Variants in CTNNA1 observed in about 807,000 individuals in gnomAD.
CTNNA1 encodes the protein catenin alpha 1, also known as catenin alpha-1.
A neutral mutation model predicts 98.4 loss-of-function variants in CTNNA1; 37 were observed. That is an observed-to-expected ratio of 0.38 (90% CI 0.29 to 0.49). The LOEUF (loss-of-function observed/expected upper bound fraction) is 0.49, where lower values mean the gene tolerates loss of function less well. CTNNA1 is among the 20% of genes least tolerant of loss of function. The probability of loss-of-function intolerance (pLI) is 0.95; values close to 1 mark genes in which losing one functional copy is unlikely to be tolerated. For missense variants in CTNNA1, 761 were observed against 1,147.2 expected, an observed-to-expected ratio of 0.66 and a Z score of 4.86; for synonymous variants, 404 against 413.2, an observed-to-expected ratio of 0.98 and a Z score of 0.27.
intron 5 of CTNNA1, among the ~76,000 whole-genome samples, chr5:138,812,534 C>T (rs762501437): frequency 1.3e-5 from 2 of 152,212 alleles, no homozygotes; most frequent in South Asian, 4.2e-4. Flanking sequence ...TCTTAAGTAG[C>T]TTGACAACTT....
chr5:138,770,485 C>G (rs1753419374), intron 1 of CTNNA1, among the ~76,000 whole-genome samples: 1 of 152,230 alleles, frequency 6.6e-6, no homozygotes, highest in African/African-American at 2.4e-5. Flanking sequence ...TTTTCCTTCA[C>G]TTGACCTCCT....
At chr5:138,810,518 A>G (rs1350396900) in intron 4 of CTNNA1, among the ~76,000 whole-genome samples, 1 of 152,214 alleles carries the variant, frequency 6.6e-6, no homozygotes, top group Non-Finnish European at 1.5e-5. Context: ...ACCAAGATAC[A>G]TTAAATTTTG....
At chr5:138,782,165 T>C in intron 2 of CTNNA1, 136 bp downstream of exon 2, 1 of 827,406 alleles carries the variant, frequency 1.2e-6, no homozygotes, top group Non-Finnish European at 1.9e-6. Flanking sequence ...CTTAGATGAT[T>C]TGAATATTGA....
At chr5:138,798,631 G>A (rs1204624591) in intron 3 of CTNNA1, among the ~76,000 whole-genome samples, 1 of 152,120 alleles carries the variant, frequency 6.6e-6, no homozygotes, top group Non-Finnish European at 1.5e-5. Context: ...TCCTAATAAA[G>A]AATTGTGGGT....
chr5:138,762,789 CTG>C (rs10549604), intron 1 of CTNNA1, among the ~76,000 whole-genome samples: 98,772 of 151,548 alleles, frequency 0.65, 32,902 homozygotes, highest in East Asian at 0.93. Flanking sequence ...TTTAAAATGT[CTG>C]TCATTTTTTT....
intron 10 of CTNNA1, among the ~76,000 whole-genome samples, chr5:138,915,250 C>T (rs1396098712): frequency 6.6e-6 from 1 of 152,208 alleles, no homozygotes; most frequent in African/African-American, 2.4e-5. Flanking sequence ...TTTCATACTA[C>T]TCTCATTATT....
intron 6 of CTNNA1, among the ~76,000 whole-genome samples, chr5:138,826,985 G>A (rs966415361): frequency 4.6e-5 from 7 of 152,098 alleles, no homozygotes; most frequent in African/African-American, 9.7e-5. Flanking sequence ...GTCTTGCCTC[G>A]TTGCCTAGGC....
At chr5:138,771,859 A>G (rs1753590476) in intron 1 of CTNNA1, among the ~76,000 whole-genome samples, 1 of 152,060 alleles carries the variant, frequency 6.6e-6, no homozygotes. Context: ...GGTACTTTTA[A>G]TTTCTAAATT....
At chr5:138,855,246 C>A (rs1763629655) in intron 7 of CTNNA1, among the ~76,000 whole-genome samples, 1 of 152,210 alleles carries the variant, frequency 6.6e-6, no homozygotes, top group Non-Finnish European at 1.5e-5. Context: ...ACCATATTGG[C>A]CAGGCTGGTC....
intron 1 of CTNNA1, among the ~76,000 whole-genome samples, chr5:138,762,921 ATCTT>A (rs1752529311): frequency 6.6e-6 from 1 of 152,162 alleles, no homozygotes; most frequent in African/African-American, 2.4e-5. Context: ...AGAAAAATTT[ATCTT>A]TCTTAATTGC....
intron 1 of CTNNA1, among the ~76,000 whole-genome samples, chr5:138,757,470 G>GA (rs1561490953): frequency 6.6e-6 from 1 of 152,098 alleles, no homozygotes; most frequent in Non-Finnish European, 1.5e-5. Flanking sequence ...CCCTGACTCA[G>GA]AAAAAAAGAA....
At chr5:138,854,106 C>T (rs1763497707) in intron 7 of CTNNA1, among the ~76,000 whole-genome samples, 1 of 152,192 alleles carries the variant, frequency 6.6e-6, no homozygotes, top group Admixed American at 6.5e-5. Context: ...ATTACATCTG[C>T]AAGACTTTCG....
At chr5:138,805,187 C>CA (rs780155884) in intron 3 of CTNNA1, among the ~76,000 whole-genome samples, 5 of 152,156 alleles carry the variant, frequency 3.3e-5, no homozygotes, top group Non-Finnish European at 7.4e-5. Context: ...TCTTATGATC[C>CA]ACTCATCTCC....
intron 9 of CTNNA1, among the ~76,000 whole-genome samples, chr5:138,892,064 G>C (rs1400378485): frequency 6.6e-6 from 1 of 152,170 alleles, no homozygotes; most frequent in Non-Finnish European, 1.5e-5. Flanking sequence ...CAGCCTTTTA[G>C]ACAGAACCAG....
chr5:138,932,976 T>A (rs1212954019), intron 17 of CTNNA1: 1 of 766,986 alleles, frequency 1.3e-6, no homozygotes, highest in Non-Finnish European at 2.4e-6. Context: ...TTTTTAAAAA[T>A]CTTCCTTGGG....
chr5:138,931,823 GT>G (rs1429588542), intron 16 of CTNNA1: 19 of 985,370 alleles, frequency 1.9e-5, no homozygotes, highest in Non-Finnish European at 2.3e-5. Flanking sequence ...CGGGGTCTCA[GT>G]TCATACCACT....
chr5:138,811,041 G>A (rs1325854411), intron 4 of CTNNA1, among the ~76,000 whole-genome samples: 4 of 152,052 alleles, frequency 2.6e-5, no homozygotes, highest in Admixed American at 6.5e-5. Flanking sequence ...CCTCCCGGAC[G>A]GGGTGGCTGC....
chr5:138,753,580 C>T (rs1751240461), intron 1 of CTNNA1, 70 bp downstream of exon 1: 3 of 362,682 alleles, frequency 8.3e-6, no homozygotes, highest in Non-Finnish European at 1.5e-5. Flanking sequence ...TGGGCCGGGC[C>T]GTCCCAAGCT....
chr5:138,792,153 A>G (rs950946779), intron 3 of CTNNA1, among the ~76,000 whole-genome samples: 12 of 152,184 alleles, frequency 7.9e-5, no homozygotes, highest in Non-Finnish European at 1.3e-4. Flanking sequence ...CTTCCTTGGT[A>G]CAGCTTGAAT....
Sources: allele counts gnomAD v4.1 joint callset (sites outside exome capture counted in the v4.1 genomes callset), GRCh38; gene constraint gnomAD v4.1.1; transcripts MANE v1.5; gene names NCBI Gene and HGNC (gene_info 2026-07-23, HGNC 2026-07-21).